The following SGCZ variants were observed in gnomAD, a reference collection of about 807,000 sequenced individuals.
SGCZ encodes zeta-sarcoglycan.
SGCZ carries 40 observed loss-of-function variants against 41.3 expected under a neutral mutation model. The observed-to-expected ratio is 0.97, with a 90% CI of 0.75 to 1.26. SGCZ has a LOEUF of 1.26. Among genes scored for constraint, SGCZ ranks in the 50% most tolerant of loss-of-function variants. SGCZ has a pLI of 0.00. For synonymous variants in SGCZ, 206 were observed against 137.5 expected (o/e 1.50, Z -3.49); for missense variants, 552 against 369.8 (o/e 1.49, Z -4.04).
At chr8:14,807,271 G>T (rs1369332052) in intron 1 of SGCZ, among the ~76,000 whole-genome samples, 1 of 152,220 alleles carries the variant, frequency 6.6e-6, no homozygotes, top group African/African-American at 2.4e-5. Flanking sequence ...ATTCAATTAG[G>T]AAAAGAGCAA....
At chr8:14,485,945 C>T (rs1044601308) in intron 2 of SGCZ, among the ~76,000 whole-genome samples, 2 of 147,374 alleles carry the variant, frequency 1.4e-5, no homozygotes, top group Non-Finnish European at 3.0e-5. Context: ...GGGTTCGCGC[C>T]ATTCTCCTGC....
intron 1 of SGCZ, among the ~76,000 whole-genome samples, chr8:15,001,340 T>A (rs1320867597): frequency 6.6e-6 from 1 of 152,288 alleles, no homozygotes; most frequent in East Asian, 1.9e-4. Flanking sequence ...GAGCTGCCTT[T>A]GGGAGTTTCT....
At chr8:15,152,613 G>T (rs181057171) in intron 1 of SGCZ, among the ~76,000 whole-genome samples, 2 of 152,106 alleles carry the variant, frequency 1.3e-5, no homozygotes, top group African/African-American at 2.4e-5. Context: ...CAGAAGGCAC[G>T]GCGAGTAGAA....
At chr8:14,283,939 T>G (rs1800533735) in intron 3 of SGCZ, among the ~76,000 whole-genome samples, 1 of 152,254 alleles carries the variant, frequency 6.6e-6, no homozygotes, top group Non-Finnish European at 1.5e-5. Context: ...CTTATTTTGT[T>G]GCTTATTGGA....
chr8:14,718,091 T>C (rs1299834080), intron 1 of SGCZ, among the ~76,000 whole-genome samples: 26 of 151,646 alleles, frequency 1.7e-4, no homozygotes, highest in Non-Finnish European at 1.2e-4. Context: ...TTTATAGAAA[T>C]GAATAACTGT....
At chr8:15,066,366 C>T (rs1401084342) in intron 1 of SGCZ, among the ~76,000 whole-genome samples, 1 of 149,964 alleles carries the variant, frequency 6.7e-6, no homozygotes, top group East Asian at 1.9e-4. Context: ...TCTTTTGTTA[C>T]TTCTGAGTTA....
chr8:14,246,849 G>T (rs1799112697), intron 3 of SGCZ, among the ~76,000 whole-genome samples: 1 of 141,512 alleles, frequency 7.1e-6, no homozygotes, highest in African/African-American at 2.6e-5. Context: ...GGCAGAGCTT[G>T]CAGTGAGCCG....
intron 1 of SGCZ, among the ~76,000 whole-genome samples, chr8:14,824,846 G>C (rs1802241227): frequency 6.6e-6 from 1 of 151,958 alleles, no homozygotes; most frequent in African/African-American, 2.4e-5. Flanking sequence ...CTCTAGGTTT[G>C]CCTTGAACAA....
intron 1 of SGCZ, among the ~76,000 whole-genome samples, chr8:15,072,447 G>T (rs1288052335): frequency 6.6e-6 from 1 of 152,096 alleles, no homozygotes; most frequent in Non-Finnish European, 1.5e-5. Context: ...CATCCTAGTG[G>T]TTAAAGCATT....
At chr8:14,428,542 T>C (rs1239639757) in intron 2 of SGCZ, among the ~76,000 whole-genome samples, 1 of 152,248 alleles carries the variant, frequency 6.6e-6, no homozygotes, top group Non-Finnish European at 1.5e-5. Context: ...CGATTGGTTA[T>C]GACCATCATA....
At chr8:14,428,057 G>T (rs1223892323) in intron 2 of SGCZ, among the ~76,000 whole-genome samples, 1 of 151,236 alleles carries the variant, frequency 6.6e-6, no homozygotes, top group Non-Finnish European at 1.5e-5. Flanking sequence ...TATCTGCAGG[G>T]GTCCTGGAAT....
At chr8:14,245,119 TC>T (rs1799038493) in intron 3 of SGCZ, among the ~76,000 whole-genome samples, 1 of 152,176 alleles carries the variant, frequency 6.6e-6, no homozygotes, top group Non-Finnish European at 1.5e-5. Context: ...GGCCAGAACT[TC>T]CAACAGTATG....
intron 3 of SGCZ, among the ~76,000 whole-genome samples, chr8:14,243,359 T>C (rs1189340161): frequency 6.6e-6 from 1 of 152,192 alleles, no homozygotes; most frequent in East Asian, 1.9e-4. Flanking sequence ...ACTTCTTGAA[T>C]GCATCTTTTC....
At chr8:15,025,836 T>G (rs563501402) in intron 1 of SGCZ, among the ~76,000 whole-genome samples, 1 of 152,210 alleles carries the variant, frequency 6.6e-6, no homozygotes, top group East Asian at 1.9e-4. Flanking sequence ...TGTAAAGTAA[T>G]CCTAAACTGT....
chr8:14,560,335 C>CAT (rs56123932), intron 1 of SGCZ, among the ~76,000 whole-genome samples: 13,959 of 151,108 alleles, frequency 0.092, 939 homozygotes, highest in East Asian at 0.33. Context: ...ATATATACAA[C>CAT]ATATATATAT....
At chr8:14,269,161 G>C (rs1799975288) in intron 3 of SGCZ, among the ~76,000 whole-genome samples, 1 of 151,958 alleles carries the variant, frequency 6.6e-6, no homozygotes. Flanking sequence ...GTCTGCATTA[G>C]AGAGCAGCTT....
chr8:14,397,700 C>T (rs1798958042), intron 2 of SGCZ, among the ~76,000 whole-genome samples: 1 of 152,098 alleles, frequency 6.6e-6, no homozygotes, highest in Non-Finnish European at 1.5e-5. Context: ...ATATGAAGGG[C>T]AGGTGAATGT....
At chr8:15,084,268 T>C (rs1432205479) in intron 1 of SGCZ, among the ~76,000 whole-genome samples, 3 of 152,196 alleles carry the variant, frequency 2.0e-5, no homozygotes, top group African/African-American at 7.2e-5. Flanking sequence ...CTATGATGCA[T>C]TTAAAGACAA....
At chr8:14,365,483 C>T (rs887269894) in intron 2 of SGCZ, among the ~76,000 whole-genome samples, 1 of 151,982 alleles carries the variant, frequency 6.6e-6, no homozygotes, top group South Asian at 2.1e-4. Flanking sequence ...CAGTTTTGTT[C>T]ATTGATTTCC....
Sources: allele counts gnomAD v4.1 joint callset (sites outside exome capture counted in the v4.1 genomes callset), GRCh38; gene constraint gnomAD v4.1.1; transcripts MANE v1.5; gene names NCBI Gene and HGNC (gene_info 2026-07-23, HGNC 2026-07-21).